PSMF1: variants seen among roughly 807,000 people sequenced by gnomAD.
PSMF1 encodes proteasome inhibitor subunit 1, also known as proteasome inhibitor PI31 subunit.
PSMF1 carries 30 observed loss-of-function variants against 29.3 expected under a neutral mutation model. The ratio of observed to expected loss-of-function variants is 1.02; its 90% confidence interval spans 0.77 to 1.39. The LOEUF (loss-of-function observed/expected upper bound fraction) is 1.39. Ranked by LOEUF, PSMF1 falls within the 40% of genes most tolerant of loss-of-function variation. The pLI is 0.00. For missense variants in PSMF1, 344 were observed against 357.5 expected (o/e 0.96, Z 0.31); for synonymous variants, 134 against 139.7 (o/e 0.96, Z 0.29).
At position 1,167,334 on chromosome 20, in the gene PSMF1, T is replaced by G. The variant is rs1404373565; in HGVS notation, c.*2254T>G. The G allele has an allele frequency of 2.0e-5, 3 of 152,172 alleles. No homozygotes were observed. The highest frequency in any genetic ancestry group is 4.4e-5 in the Non-Finnish European group (3 of 68,044). The allele number at this position is 152,172 out of a possible 1,614,324, so 9.4% of individuals were successfully genotyped here. On this transcript the variant is annotated 3_prime_UTR_variant, in exon 7 of 7. Coordinates refer to ENST00000335877, the MANE Select transcript of PSMF1 (RefSeq NM_006814.5). ...CAGCACTAAGTGACCTGTTCCTCCTTTTTTAAATAGCAGCTTTATTGAGAT... is the reference window on the plus strand; with the variant it reads ...CAGCACTAAGTGACCTGTTCCTCCTGTTTTAAATAGCAGCTTTATTGAGAT...
intron 4 of PSMF1, among the ~76,000 whole-genome samples, chr20:1,143,389 A>G (rs1298077125): frequency 6.6e-6 from 1 of 152,254 alleles, no homozygotes; most frequent in Non-Finnish European, 1.5e-5. Flanking sequence ...AATGGAGGAA[A>G]GAATGTCTTT....
At position 1,152,167 on chromosome 20, in the gene PSMF1, G is replaced by A. The variant is rs921999623; in HGVS notation, c.552-10963G>A. Among the ~76,000 whole-genome samples, 3 of 152,262 alleles carry A rather than the reference G, an allele frequency of 2.0e-5. No homozygotes were observed. The South Asian group carries it at 6.2e-4, about 32-fold the overall frequency. On this transcript the variant is annotated intron_variant, in intron 4 of 6. Transcript: ENST00000335877. ...TTGAGCTTTTACTGTGGGCTGAGCA[G>A]TTACATTAAATGTAAAGTATATGTA...
Position 1,165,854 on chromosome 20 carries a change from A to C in PSMF1, c.*774A>C, listed in dbSNP as rs2086723090. 2 of 1,144,344 alleles carry C rather than the reference A, an allele frequency of 1.7e-6. No homozygotes were observed. The highest frequency in any genetic ancestry group is 2.2e-6 in the Non-Finnish European group (2 of 924,110). The allele number at this position is 1,144,344 out of a possible 1,614,324, so 70.9% of individuals were successfully genotyped here. A position where few individuals can be genotyped will look rare whatever the true frequency, so the allele number is the denominator to read the frequency against. On this transcript the variant is annotated 3_prime_UTR_variant, in exon 7 of 7. Transcript: ENST00000335877. ...CCAAGGAAAAAACAGAGCAGACCTGAAGGCTAATCTTATTTTTGCCACTAA... is the reference window on the plus strand; with the variant it reads ...CCAAGGAAAAAACAGAGCAGACCTGCAGGCTAATCTTATTTTTGCCACTAA...
intron 4 of PSMF1, chr20:1,161,365 T>A: frequency 2.9e-6 from 1 of 341,854 alleles, no homozygotes; most frequent in Non-Finnish European, 5.5e-6. Flanking sequence ...TTCCAGCCCT[T>A]CTTTCTGGGT....
In PSMF1 at chr20:1,164,934, T is replaced by A. The variant is rs536958539; in HGVS notation, c.765-95T>A. On this transcript the variant is annotated intron_variant, in intron 6 of 6. Transcript: ENST00000335877. This position sits in a 1 kb window ranked among gnomAD's most constrained non-coding sequence, Gnocchi z 4.1. ...AAATTCCTCACACCGCCACATCATG[T>A]TGAAGGGCAGGCTCCCTCAGTGCAG... 1.4e-5 allele frequency: 15 copies of A among 1,110,766 alleles called. No individual in the cohort carries two copies. The South Asian group carries it at 1.7e-4, about 12-fold the overall frequency. 68.8% of individuals were successfully genotyped at this position (1,110,766 alleles called of 1,614,324 possible).
At chr20:1,146,094 G>A (rs2086445726) in intron 4 of PSMF1, among the ~76,000 whole-genome samples, 1 of 152,118 alleles carries the variant, frequency 6.6e-6, no homozygotes, top group Non-Finnish European at 1.5e-5. Context: ...TTAGAGGCAT[G>A]CACTTCCCCT....
Position 1,165,205 on chromosome 20 carries a change from G to A in PSMF1, c.*125G>A, listed in dbSNP as rs189360363. The A allele has an allele frequency of 4.8e-5, 74 of 1,526,744 alleles. No homozygotes were observed. Among genetic ancestry groups the A allele is most frequent in the South Asian group, 2.2e-4 (17 of 78,936 alleles). The allele number at this position is 1,526,744 out of a possible 1,614,324, so 94.6% of individuals were successfully genotyped here. A position where few individuals can be genotyped will look rare whatever the true frequency, so the allele number is the denominator to read the frequency against. Reference sequence around the variant, plus strand: ...GATTCTGCTCATGTGTTTGCAGACCGGCTGGGATAGCCTCCCCACCCCTTA... The same window carrying A: ...GATTCTGCTCATGTGTTTGCAGACCAGCTGGGATAGCCTCCCCACCCCTTA... On this transcript the variant is annotated 3_prime_UTR_variant, in exon 7 of 7. Coordinates refer to ENST00000335877, the MANE Select transcript of PSMF1 (RefSeq NM_006814.5).
In PSMF1 at chr20:1,170,895, A is replaced by G. The variant is rs1261087551; in HGVS notation, c.*5815A>G. On this transcript the variant is annotated 3_prime_UTR_variant, in exon 7 of 7. Coordinates refer to ENST00000335877, the MANE Select transcript of PSMF1 (RefSeq NM_006814.5). ...AGCGTGCTAGGCTTCTCCTCATCGC[A>G]TGTAGTACCCCTGACAACCCCAAGG... Among the ~76,000 whole-genome samples the G allele has an allele frequency of 6.6e-6, 1 of 152,034 alleles. No individual in the cohort carries two copies. Among genetic ancestry groups the G allele is most frequent in the African/African-American group, 2.4e-5 (1 of 41,394 alleles).
chr20:1,132,368 G>A (rs184948166), intron 3 of PSMF1, among the ~76,000 whole-genome samples: 635 of 151,636 alleles, frequency 4.2e-3, no homozygotes, highest in Non-Finnish European at 6.8e-3. Context: ...CTCTGCCTCC[G>A]GGGTTCAAGT....
Position 1,129,878 on chromosome 20 carries a change from C to G in PSMF1, c.365+2370C>G, listed in dbSNP as rs138439243. ...GAAAAGATATTTGTACACCCATGTT[C>G]GTAGAAGCATTATTCACAGTAGCCA... On this transcript the variant is annotated intron_variant, in intron 3 of 6. Coordinates refer to ENST00000335877, the MANE Select transcript of PSMF1 (RefSeq NM_006814.5). Among the ~76,000 whole-genome samples the G allele has an allele frequency of 1.9e-3, 283 of 152,236 alleles. 2 individuals carry two copies. Among genetic ancestry groups the G allele is most frequent in the African/African-American group, 6.3e-3 (262 of 41,554 alleles).
intron 4 of PSMF1, among the ~76,000 whole-genome samples, chr20:1,151,733 A>C (rs541986948): frequency 1.3e-5 from 2 of 152,372 alleles, no homozygotes; most frequent in African/African-American, 4.8e-5. Context: ...CTGCTGAAGC[A>C]CATTAAAGAG....
intron 2 of PSMF1, among the ~76,000 whole-genome samples, chr20:1,126,178 A>G (rs1473794698): frequency 6.6e-6 from 1 of 152,068 alleles, no homozygotes; most frequent in East Asian, 1.9e-4. Context: ...TTACGCCATC[A>G]TTTTATTTTC....
rs1243257137 is a variant in PSMF1 at position 1,165,681 on chromosome 20, A to C, written c.*601A>C. The C allele has an allele frequency of 1.0e-6, 1 of 998,324 alleles. No individual in the cohort carries two copies. Among genetic ancestry groups the C allele is most frequent in the African/African-American group, 1.7e-5 (1 of 57,532 alleles). The allele number at this position is 998,324 out of a possible 1,614,324, so 61.8% of individuals were successfully genotyped here. A position where few individuals can be genotyped will look rare whatever the true frequency, so the allele number is the denominator to read the frequency against. On this transcript the variant is annotated 3_prime_UTR_variant, in exon 7 of 7. Coordinates refer to ENST00000335877, the MANE Select transcript of PSMF1 (RefSeq NM_006814.5). Reference sequence around the variant, plus strand: ...TGCATGAATGGAAATGAGTGACTGGAAATCCCATAGGCCACAAGAATGACT... The same window carrying C: ...TGCATGAATGGAAATGAGTGACTGGCAATCCCATAGGCCACAAGAATGACT...
chr20:1,122,890 G>C (rs1361959549), intron 1 of PSMF1, among the ~76,000 whole-genome samples: 1 of 152,170 alleles, frequency 6.6e-6, no homozygotes, highest in African/African-American at 2.4e-5. Flanking sequence ...TTCCAAGAGA[G>C]AACTCTGGTG....
chr20:1,125,176 G>T (rs2086138514), intron 1 of PSMF1, among the ~76,000 whole-genome samples: 1 of 152,224 alleles, frequency 6.6e-6, no homozygotes, highest in Non-Finnish European at 1.5e-5. Flanking sequence ...ACTTCGCAGT[G>T]TTCCTCAAGA....
At chr20:1,125,770 C>T in intron 2 of PSMF1, 120 bp downstream of exon 2, 1 of 1,315,502 alleles carries the variant, frequency 7.6e-7, no homozygotes, top group Non-Finnish European at 1.0e-6. Context: ...CCTAGTGATC[C>T]CACTTCTGGA....
intron 3 of PSMF1, among the ~76,000 whole-genome samples, chr20:1,131,755 C>T (rs1041440262): frequency 6.6e-6 from 1 of 152,272 alleles, no homozygotes; most frequent in Middle Eastern, 3.4e-3. Context: ...CTTTCTGTGT[C>T]GGATGAGATG....
chr20:1,123,814 G>A (rs1434400656), intron 1 of PSMF1, among the ~76,000 whole-genome samples: 1 of 152,224 alleles, frequency 6.6e-6, no homozygotes, highest in African/African-American at 2.4e-5. Flanking sequence ...GCAGGGACTG[G>A]AGGTTCCCAT....
At chr20:1,113,983 G>A (rs529448523), upstream of PSMF1, among the ~76,000 whole-genome samples, 67 of 152,280 alleles carry the variant, frequency 4.4e-4, no homozygotes, top group Admixed American at 2.4e-3. Context: ...GAGCCACCGC[G>A]CCCGGCCTGG....
Sources: allele counts gnomAD v4.1 joint callset (sites outside exome capture counted in the v4.1 genomes callset), GRCh38; gene constraint gnomAD v4.1.1; non-coding constraint Gnocchi (gnomAD v3.1); transcripts MANE v1.5; gene names NCBI Gene and HGNC (gene_info 2026-07-23, HGNC 2026-07-21).